MECOM: variants seen among roughly 807,000 people sequenced by gnomAD.
MECOM encodes histone-lysine N-methyltransferase MECOM.
Under a neutral mutation model 116.3 loss-of-function variants are expected in MECOM, and 13 were observed. That is an observed-to-expected ratio of 0.11 (90% CI 0.07 to 0.18). The LOEUF (loss-of-function observed/expected upper bound fraction) is 0.18. MECOM is among the 10% of genes least tolerant of loss of function. The pLI is 1.00. For synonymous variants in MECOM, 528 were observed against 535.2 expected, an observed-to-expected ratio of 0.99 and a Z score of 0.19; for missense variants, 1,299 against 1,509.0, an observed-to-expected ratio of 0.86 and a Z score of 2.31.
intron 1 of MECOM, among the ~76,000 whole-genome samples, chr3:169,430,256 A>G (rs1250537918): frequency 1.3e-5 from 2 of 152,182 alleles, no homozygotes; most frequent in Non-Finnish European, 2.9e-5. Context: ...TGTCCTAGCT[A>G]CTTAATTTTG....
At chr3:169,104,682 A>G (rs1368340339) in intron 10 of MECOM, among the ~76,000 whole-genome samples, 6 of 152,216 alleles carry the variant, frequency 3.9e-5, no homozygotes, top group Admixed American at 3.3e-4. Flanking sequence ...GTTTCCTTTT[A>G]TATGGAAAAT....
At chr3:169,259,128 A>G (rs555435137) in intron 2 of MECOM, among the ~76,000 whole-genome samples, 3 of 152,320 alleles carry the variant, frequency 2.0e-5, no homozygotes, top group Non-Finnish European at 4.4e-5. Context: ...ATTATATTTA[A>G]CAGACAACAC....
chr3:169,131,839 A>G, intron 3 of MECOM: 1 of 858,098 alleles, frequency 1.2e-6, no homozygotes, highest in Non-Finnish European at 1.4e-6. Context: ...TTAACGAAGA[A>G]CTTTCCCTTC....
intron 2 of MECOM, among the ~76,000 whole-genome samples, chr3:169,362,898 A>C (rs1336984221): frequency 6.6e-6 from 1 of 151,758 alleles, no homozygotes; most frequent in Non-Finnish European, 1.5e-5. Context: ...GATCCTTTTG[A>C]TTTTTCCACA....
intron 1 of MECOM, among the ~76,000 whole-genome samples, chr3:169,610,196 G>C (rs1010651837): frequency 6.6e-6 from 1 of 152,018 alleles, no homozygotes; most frequent in African/African-American, 2.4e-5. Flanking sequence ...TCCAAGCCCT[G>C]AATTTGGCAA....
At chr3:169,258,865 G>A (rs1001473173) in intron 2 of MECOM, among the ~76,000 whole-genome samples, 3 of 152,150 alleles carry the variant, frequency 2.0e-5, no homozygotes, top group Non-Finnish European at 4.4e-5. Context: ...AGTTAAAAGT[G>A]CCTTCACATT....
chr3:169,501,520 T>G (rs1754523289), intron 1 of MECOM, among the ~76,000 whole-genome samples: 1 of 152,060 alleles, frequency 6.6e-6, no homozygotes, highest in Admixed American at 6.6e-5. Flanking sequence ...TTAACCCAGC[T>G]CTGAAAGACT....
intron 2 of MECOM, among the ~76,000 whole-genome samples, chr3:169,241,511 A>G (rs1754809469): frequency 6.6e-6 from 1 of 152,150 alleles, no homozygotes; most frequent in South Asian, 2.1e-4. Context: ...TATGGAATGT[A>G]CCTTAAGCTA....
At chr3:169,324,229 G>A (rs1245243329) in intron 2 of MECOM, among the ~76,000 whole-genome samples, 1 of 152,210 alleles carries the variant, frequency 6.6e-6, no homozygotes, top group African/African-American at 2.4e-5. Flanking sequence ...ACCCTGGGAG[G>A]TGGGTATTAT....
intron 2 of MECOM, among the ~76,000 whole-genome samples, chr3:169,152,915 G>C (rs1741388209): frequency 6.6e-6 from 1 of 152,114 alleles, no homozygotes; most frequent in African/African-American, 2.4e-5. Flanking sequence ...AATATATTTA[G>C]TAACAACTAG....
intron 16 of MECOM, among the ~76,000 whole-genome samples, chr3:169,088,497 C>A: frequency 6.6e-6 from 1 of 152,136 alleles, no homozygotes; most frequent in East Asian, 1.9e-4. Context: ...CCTTTGGCAA[C>A]TCACTTCCTT....
intron 1 of MECOM, among the ~76,000 whole-genome samples, chr3:169,492,234 G>A (rs899830109): frequency 1.3e-5 from 2 of 152,110 alleles, no homozygotes; most frequent in Non-Finnish European, 2.9e-5. Context: ...AAGTTCGTGG[G>A]GTAAGAAAGA....
chr3:169,448,261 A>G (rs901126212), intron 1 of MECOM, among the ~76,000 whole-genome samples: 1 of 152,198 alleles, frequency 6.6e-6, no homozygotes, highest in Non-Finnish European at 1.5e-5. Context: ...CACTCGTGTT[A>G]TACGTTGTGG....
At chr3:169,178,759 C>T (rs554445522) in intron 2 of MECOM, among the ~76,000 whole-genome samples, 11 of 152,212 alleles carry the variant, frequency 7.2e-5, no homozygotes, top group South Asian at 4.1e-4. Flanking sequence ...GGATATGTTA[C>T]GCTAGATATC....
intron 1 of MECOM, among the ~76,000 whole-genome samples, chr3:169,594,823 A>G (rs9647378): frequency 0.57 from 84,253 of 148,056 alleles, 24,544 homozygotes; most frequent in South Asian, 0.66. Context: ...CAGCAGGCCT[A>G]GTATGGAACA....
chr3:169,446,862 T>A (rs1189386221), intron 1 of MECOM, among the ~76,000 whole-genome samples: 1 of 152,154 alleles, frequency 6.6e-6, no homozygotes, highest in African/African-American at 2.4e-5. Context: ...CTCATCCCTA[T>A]CAGGATGGCT....
At chr3:169,321,499 A>C (rs1720850043) in intron 2 of MECOM, among the ~76,000 whole-genome samples, 1 of 152,000 alleles carries the variant, frequency 6.6e-6, no homozygotes, top group African/African-American at 2.4e-5. Flanking sequence ...TGAGATTGCA[A>C]CACTGCACTC....
chr3:169,590,323 A>G (rs115223735), intron 1 of MECOM, among the ~76,000 whole-genome samples: 3,268 of 152,334 alleles, frequency 0.021, 43 homozygotes, highest in Middle Eastern at 0.051. Context: ...TAAAATAGGT[A>G]TAATAGCAAC....
At chr3:169,575,123 G>A (rs1196691243) in intron 1 of MECOM, among the ~76,000 whole-genome samples, 3 of 152,104 alleles carry the variant, frequency 2.0e-5, no homozygotes, top group Non-Finnish European at 4.4e-5. Context: ...GTTGCTACCC[G>A]TAATTTATGT....
Sources: gnomAD v4.1 joint callset for allele counts (sites outside exome capture counted in the v4.1 genomes callset) on GRCh38, gnomAD v4.1.1 for gene constraint, MANE v1.5 for transcripts, NCBI Gene and HGNC (gene_info 2026-07-23, HGNC 2026-07-21) for gene names.